ZFPM1: variants seen among roughly 807,000 people sequenced by gnomAD.
The protein encoded by ZFPM1 is zinc finger protein, FOG family member 1, also known as zinc finger protein ZFPM1.
A neutral mutation model predicts 46.3 loss-of-function variants in ZFPM1; 28 were observed. The observed-to-expected ratio is 0.60, with a 90% confidence interval of 0.45 to 0.83. The LOEUF is 0.83. Among genes scored for constraint, ZFPM1 ranks in the 40% least tolerant of loss-of-function variants. The pLI is 0.00. For synonymous variants in ZFPM1, 957 were observed against 675.9 expected (o/e 1.42, Z -6.45); for missense variants, 1,878 against 1,432.4 (o/e 1.31, Z -5.02).
chr16:88,521,710 CCT>C (rs1388590814), intron 4 of ZFPM1, among the ~76,000 whole-genome samples: 1 of 143,336 alleles, frequency 7.0e-6, no homozygotes, highest in Non-Finnish European at 1.5e-5. Context: ...TTCCCTCTCC[CCT>C]GTGCTGTTCC....
Position 88,533,999 on chromosome 16 carries a change from A to C in ZFPM1, c.2041A>C (p.Ser681Arg). 1 of 1,358,936 alleles carries C rather than the reference A, an allele frequency of 7.4e-7. No homozygotes were observed. Among genetic ancestry groups the C allele is most frequent in the Non-Finnish European group, 9.6e-7 (1 of 1,039,604 alleles). The allele number at this position is 1,358,936 out of a possible 1,614,324, so 84.2% of individuals were successfully genotyped here. Residue 681 changes from serine to arginine, a missense_variant, in exon 10 of 10, where the codon AGC becomes CGC. Physicochemically the swap from Ser to Arg is moderately radical, Grantham distance 110 (BLOSUM62 -1). Coordinates refer to ENST00000319555, the MANE Select transcript of ZFPM1 (RefSeq NM_153813.3). ...SSVDDAEDDP[S>R]RTLCEACNIR... is the part of the protein sequence containing the mutation. Reference sequence around the variant, plus strand: ...CGTGGACGACGCGGAGGACGACCCCAGCCGCACGCTGTGCGAGGCCTGCAA... The same window carrying C: ...CGTGGACGACGCGGAGGACGACCCCCGCCGCACGCTGTGCGAGGCCTGCAA...
rs1234798945 is a variant in ZFPM1 at position 88,533,698 on chromosome 16, C to T, written c.1740C>T (p.Phe580=). The T allele has an allele frequency of 4.7e-6, 7 of 1,505,200 alleles. No homozygotes were observed. Among genetic ancestry groups the T allele is most frequent in the Non-Finnish European group, 5.4e-6 (6 of 1,120,960 alleles). The allele number at this position is 1,505,200 out of a possible 1,614,324, so 93.2% of individuals were successfully genotyped here. A position where few individuals can be genotyped will look rare whatever the true frequency, so the allele number is the denominator to read the frequency against. Reference sequence around the variant, plus strand: ...GGGCCCCCAAGGGCGCTACGTGCTTCGAGTGCGAGATCACCTTCAGCAACG... The same window carrying T: ...GGGCCCCCAAGGGCGCTACGTGCTTTGAGTGCGAGATCACCTTCAGCAACG... ...FPGAPKGATC[F]ECEITFSNVN... Residue 580 remains phenylalanine (F), a synonymous_variant, in exon 10 of 10, where the codon TTC becomes TTT. Coordinates refer to ENST00000319555, the MANE Select transcript of ZFPM1 (RefSeq NM_153813.3).
intron 3 of ZFPM1, among the ~76,000 whole-genome samples, chr16:88,492,379 T>G (rs1261072283): frequency 6.6e-6 from 1 of 152,042 alleles, no homozygotes; most frequent in Non-Finnish European, 1.5e-5. Context: ...CCTGGGGCCC[T>G]GTTCTTGAGG....
chr16:88,485,018 C>G (rs16966535), intron 1 of ZFPM1, among the ~76,000 whole-genome samples: 13,011 of 152,272 alleles, frequency 0.085, 739 homozygotes, highest in African/African-American at 0.16. Flanking sequence ...TTTGTTCGCT[C>G]GACAAGTCTG....
At chr16:88,527,960 C>T in intron 5 of ZFPM1, 72 bp from the exon 6 acceptor site, 1 of 1,432,750 alleles carries the variant, frequency 7.0e-7, no homozygotes. Context: ...ACCCCATCCT[C>T]TGCCCCTTGT....
chr16:88,481,188 G>A (rs1597239288), intron 1 of ZFPM1, among the ~76,000 whole-genome samples: 1 of 152,366 alleles, frequency 6.6e-6, no homozygotes, highest in African/African-American at 2.4e-5. Context: ...CACAGGGGCT[G>A]AGCCCAGTGC....
chr16:88,496,430 C>T (rs968970606), intron 3 of ZFPM1, among the ~76,000 whole-genome samples: 1 of 152,000 alleles, frequency 6.6e-6, no homozygotes, highest in Non-Finnish European at 1.5e-5. Context: ...GTGCAGTTCC[C>T]GGGCAAGCAA....
At chr16:88,487,075 C>T (rs567303793) in intron 2 of ZFPM1, among the ~76,000 whole-genome samples, 25 of 152,310 alleles carry the variant, frequency 1.6e-4, no homozygotes, top group South Asian at 6.2e-4. Flanking sequence ...TTTCCCAAGC[C>T]GGAAGGAGGG....
chr16:88,508,957 G>T (rs1205591106), intron 3 of ZFPM1, among the ~76,000 whole-genome samples: 1 of 152,182 alleles, frequency 6.6e-6, no homozygotes, highest in Non-Finnish European at 1.5e-5. Context: ...CGCACGCGGC[G>T]CGTCATCGTG....
intron 3 of ZFPM1, among the ~76,000 whole-genome samples, chr16:88,502,404 A>T (rs766503247): frequency 1.5e-3 from 229 of 152,078 alleles, no homozygotes; most frequent in Non-Finnish European, 2.0e-3. Flanking sequence ...TCTGCCCCAT[A>T]GGCCTGACGC....
At chr16:88,503,830 C>T (rs1910509842) in intron 3 of ZFPM1, among the ~76,000 whole-genome samples, 1 of 152,174 alleles carries the variant, frequency 6.6e-6, no homozygotes, top group South Asian at 2.1e-4. Context: ...ATCTTGGGCT[C>T]CCGAGGCCTC....
rs1908422350 is a variant in ZFPM1, at chr16:88,471,541, A to C, written c.41-14398A>C. On this transcript the variant is annotated intron_variant, in intron 1 of 9. Transcript: ENST00000319555. This position sits in a 1 kb window ranked among gnomAD's most constrained non-coding sequence, Gnocchi z 4.1. ...GCATAGTGGAGGGGCCAAGACCCCA[A>C]GATGACCATGGCTGCGGTGGCTCCT... Among the ~76,000 whole-genome samples the C allele has an allele frequency of 6.6e-6, 1 of 152,120 alleles. No individual in the cohort carries two copies. The highest frequency in any genetic ancestry group is 1.5e-5 in the Non-Finnish European group (1 of 68,012).
In ZFPM1 at chr16:88,510,314, G is replaced by C. The variant is rs920205065; in HGVS notation, c.269-4073G>C. Among the ~76,000 whole-genome samples, 3 of 152,256 alleles carry C rather than the reference G, an allele frequency of 2.0e-5. No homozygotes were observed. The East Asian group carries it at 5.8e-4, about 29-fold the overall frequency. On this transcript the variant is annotated intron_variant, in intron 3 of 9. Coordinates refer to ENST00000319555, the MANE Select transcript of ZFPM1 (RefSeq NM_153813.3). ...CCCTGGACCCTGGCCAGACCCACCG[G>C]GCTCCCCTCAGCCAGGTTCCCCACT...
intron 1 of ZFPM1, among the ~76,000 whole-genome samples, chr16:88,475,240 C>G (rs1407400749): frequency 6.6e-6 from 1 of 152,226 alleles, no homozygotes; most frequent in African/African-American, 2.4e-5. Context: ...CTGGCTTCAG[C>G]CATGCAGTGG....
chr16:88,531,413 AG>A (rs1329344133), intron 6 of ZFPM1, among the ~76,000 whole-genome samples: 3 of 152,196 alleles, frequency 2.0e-5, no homozygotes. Flanking sequence ...AAATCTGACC[AG>A]CCAGGTGGTC....
chr16:88,520,590 G>A (rs550095799), intron 4 of ZFPM1, among the ~76,000 whole-genome samples: 2,176 of 65,950 alleles, frequency 0.033, 48 homozygotes, highest in East Asian at 0.076. Context: ...GGATGGATGG[G>A]AGGGTGAGTG....
In ZFPM1 at chr16:88,500,688, C is replaced by G. The variant is rs1236365648; in HGVS notation, c.268+11535C>G. 3.9e-5 allele frequency among the ~76,000 whole-genome samples: 6 copies of G among 152,320 alleles called. No homozygotes were observed. In the South Asian group the frequency reaches 1.2e-3, roughly 32 times the overall value. ...CTTCCAGGTGTCACCTCTCTCACCG[C>G]AGACCTGGGGCCTGTTGTGCCCTGT... is the stretch of plus-strand genomic sequence containing the variant. On this transcript the variant is annotated intron_variant, in intron 3 of 9. Coordinates refer to ENST00000319555, the MANE Select transcript of ZFPM1 (RefSeq NM_153813.3).
At position 88,536,835 on chromosome 16, in the gene ZFPM1, C is replaced by G. The variant is rs961845649; in HGVS notation, c.*1856C>G. ...CAGGTGATAGCGGGGACGGGAGGCA[C>G]GGACCCCTCAAGTCTGCTCATCATT... On this transcript the variant is annotated 3_prime_UTR_variant, in exon 10 of 10. Transcript: ENST00000319555. 1 of 152,206 alleles carries G rather than the reference C, an allele frequency of 6.6e-6. No individual in the cohort carries two copies. The highest frequency in any genetic ancestry group is 2.4e-5 in the African/African-American group (1 of 41,410). 9.4% of individuals were successfully genotyped at this position (152,206 alleles called of 1,614,324 possible).
At position 88,534,515 on chromosome 16, in the gene ZFPM1, G is replaced by A. The variant is rs1256434197; in HGVS notation, c.2557G>A (p.Ala853Thr). 1.4e-6 allele frequency: 2 copies of A among 1,438,822 alleles called. No individual in the cohort carries two copies. Among genetic ancestry groups the A allele is most frequent in the Non-Finnish European group, 1.8e-6 (2 of 1,098,892 alleles). 89.1% of individuals were successfully genotyped at this position (1,438,822 alleles called of 1,614,324 possible). A position where few individuals can be genotyped will look rare whatever the true frequency, so the allele number is the denominator to read the frequency against. Residue 853 changes from alanine (A) to threonine (T), a missense_variant, in exon 10 of 10, where the codon GCC becomes ACC. By Grantham distance (58) the Ala-to-Thr change is moderately conservative. Coordinates refer to ENST00000319555, the MANE Select transcript of ZFPM1 (RefSeq NM_153813.3). The stretch of plus-strand genomic sequence containing the variant: ...ACCGCCCGGCGCGCTCGGCCTGCCC[G>A]CCGCCGCCTGCCCCTACTGCCCCCC... ...APPPGALGLPAAACPYCPPNG... is the reference protein window; with the variant it reads ...APPPGALGLPTAACPYCPPNG...
Sources: gnomAD v4.1 joint callset for allele counts (sites outside exome capture counted in the v4.1 genomes callset) on GRCh38, gnomAD v4.1.1 for gene constraint, Gnocchi (gnomAD v3.1) non-coding constraint, MANE v1.5 for transcripts, NCBI Gene and HGNC (gene_info 2026-07-23, HGNC 2026-07-21) for gene names.